The following DNAH7 variants were observed in gnomAD, a reference collection of about 807,000 sequenced individuals.
The protein encoded by DNAH7 is dynein axonemal heavy chain 7, also known as axonemal beta dynein heavy chain 7.
Under a neutral mutation model 444.6 loss-of-function variants are expected in DNAH7, and 397 were observed. The ratio of observed to expected loss-of-function variants is 0.89; its 90% CI spans 0.82 to 0.97. The LOEUF (loss-of-function observed/expected upper bound fraction) is 0.97. DNAH7 is among the 50% of genes least tolerant of loss of function. The pLI, the probability that DNAH7 is intolerant of heterozygous loss-of-function variation, is 0.00. For synonymous variants in DNAH7, 1,636 were observed against 1,624.4 expected, an observed-to-expected ratio of 1.01 and a Z score of -0.17; for missense variants, 4,902 against 4,800.8, an observed-to-expected ratio of 1.02 and a Z score of -0.62.
At position 195,927,208 on chromosome 2, in the gene DNAH7, C is replaced by G. The variant is rs533207698; in HGVS notation, c.3472-642G>C. ...CGGTGGACTGATACATCTACTTTTTCTACCAGCCATCGGTGGGAAACACAC... is the reference window on the plus strand; with the variant it reads ...CGGTGGACTGATACATCTACTTTTTGTACCAGCCATCGGTGGGAAACACAC... On this transcript the variant is annotated intron_variant, in intron 21 of 64. Transcript: ENST00000312428. Among the ~76,000 whole-genome samples the G allele has an allele frequency of 7.9e-5, 12 of 152,268 alleles. No individual in the cohort carries two copies. The South Asian group carries it at 2.5e-3, about 32-fold the overall frequency.
At chr2:196,059,041 ATTTTTCATGAGGG>A (rs1016400130) in intron 1 of DNAH7, among the ~76,000 whole-genome samples, 1 of 152,190 alleles carries the variant, frequency 6.6e-6, no homozygotes, top group Admixed American at 6.5e-5. Context: ...TGGGCAATTG[ATTTTTCATGAGGG>A]TTCCAAGACA....
At chr2:195,869,402 AAG>A (rs1300574649) in intron 40 of DNAH7, among the ~76,000 whole-genome samples, 6 of 151,962 alleles carry the variant, frequency 3.9e-5, no homozygotes, top group African/African-American at 1.5e-4. Flanking sequence ...AGAAAAAAAA[AAG>A]AGAGAGGAAA....
intron 24 of DNAH7, among the ~76,000 whole-genome samples, chr2:195,917,181 AAAG>A (rs1248167939): frequency 6.6e-6 from 1 of 152,162 alleles, no homozygotes; most frequent in Non-Finnish European, 1.5e-5. Flanking sequence ...TCAAAAAAAA[AAAG>A]AAATATCTGA....
intron 2 of DNAH7, among the ~76,000 whole-genome samples, chr2:196,053,013 C>A (rs1697574884): frequency 6.9e-6 from 1 of 144,942 alleles, no homozygotes. Context: ...AGTCCCTCTG[C>A]TTATGGAGTA....
intron 63 of DNAH7, among the ~76,000 whole-genome samples, chr2:195,743,248 T>A (rs1292359887): frequency 6.6e-6 from 1 of 152,252 alleles, no homozygotes; most frequent in Non-Finnish European, 1.5e-5. Context: ...GTTTTGGGAC[T>A]GGGACTGATC....
Position 196,019,155 on chromosome 2 carries a change from G to A in DNAH7, c.869+15C>T, listed in dbSNP as rs760871141. On this transcript the variant is annotated intron_variant, in intron 9 of 64. Transcript: ENST00000312428. ...TCTATATTTTAAAAACCTCTATAAG[G>A]CCACATATACTCACTTAAAATTAGT... 1 of 1,431,680 alleles carries A rather than the reference G, an allele frequency of 7.0e-7. No homozygotes were observed. The highest frequency in any genetic ancestry group is 9.3e-7 in the Non-Finnish European group (1 of 1,079,352). The allele number at this position is 1,431,680 out of a possible 1,614,324, so 88.7% of individuals were successfully genotyped here. A position where few individuals can be genotyped will look rare whatever the true frequency, so the allele number is the denominator to read the frequency against.
rs1697290874 is a variant in DNAH7 at position 195,817,744 on chromosome 2, A to T, written c.9377T>A (p.Leu3126His). Residue 3126 changes from leucine (L) to histidine (H), a missense_variant, in exon 50 of 65, where the codon CTT (leucine) becomes CAT (histidine). Physicochemically the swap from Leu to His is moderately conservative, Grantham distance 99 (BLOSUM62 -3). Transcript: ENST00000312428. Reference sequence around the variant, plus strand: ...TATCAAGGCTTGCTTTTCTTCTTCAAGGTCTGGCCTTTCTTGTGCCACCAC... The same window carrying T: ...TATCAAGGCTTGCTTTTCTTCTTCATGGTCTGGCCTTTCTTGTGCCACCAC... ...GIVVAQERPD[L>H]EEEKQALILQ... The T allele has an allele frequency of 3.7e-6, 6 of 1,612,854 alleles. No homozygotes were observed. The Admixed American group carries it at 1.0e-4, about 27-fold the overall frequency.
intron 64 of DNAH7, 73 bp from the exon 65 acceptor site, chr2:195,738,200 A>C (rs910758038): frequency 7.4e-7 from 1 of 1,346,998 alleles, no homozygotes. Context: ...AGCCTACTAT[A>C]GTATTCTCAG....
At chr2:195,756,362 C>A in intron 61 of DNAH7, 77 bp from the exon 62 acceptor site, 1 of 1,230,878 alleles carries the variant, frequency 8.1e-7, no homozygotes. Context: ...TTAAATACCT[C>A]CTTCATGATT....
chr2:196,047,563 A>G (rs1252686336), intron 4 of DNAH7, 64 bp from the exon 5 acceptor site: 13 of 1,300,746 alleles, frequency 1.0e-5, no homozygotes, highest in East Asian at 2.5e-5. Flanking sequence ...AGCATTTCAC[A>G]TGCTTAAAAT....
intron 17 of DNAH7, 61 bp from the exon 18 acceptor site, chr2:195,961,006 GTTT>G: frequency 7.6e-7 from 1 of 1,319,964 alleles, no homozygotes; most frequent in Non-Finnish European, 9.9e-7. Context: ...TGCAAATTAA[GTTT>G]TTTTAAATAT....
At chr2:195,996,218 T>C (rs1693686893) in intron 12 of DNAH7, among the ~76,000 whole-genome samples, 1 of 152,214 alleles carries the variant, frequency 6.6e-6, no homozygotes, top group African/African-American at 2.4e-5. Context: ...ACCTTTGATC[T>C]TTGATTCTGT....
chr2:195,808,743 T>C lies in DNAH7; in HGVS notation c.10022A>G (p.Lys3341Arg), dbSNP rs1696821403. Residue 3341 changes from lysine (K) to arginine (R), a missense_variant, in exon 53 of 65, where the codon AAA (lysine) becomes AGA (arginine). Lys to Arg is a conservative substitution (Grantham distance 26). Coordinates refer to ENST00000312428, the MANE Select transcript of DNAH7 (RefSeq NM_018897.3). ...GCGCATAAACTCTCTACGAATGGTT[T>C]TGAAGGCAGGCAAATCATCTAATCG... Reference protein sequence around the residue: ...ICRLDDLPAFKTIRREFMRLK... With the variant: ...ICRLDDLPAFRTIRREFMRLK... 1 of 1,614,100 alleles carries C rather than the reference T, an allele frequency of 6.2e-7. No individual in the cohort carries two copies. Among genetic ancestry groups the C allele is most frequent in the Middle Eastern group, 1.7e-4 (1 of 6,060 alleles).
intron 64 of DNAH7, among the ~76,000 whole-genome samples, chr2:195,739,295 C>T (rs1203465357): frequency 6.6e-6 from 1 of 152,102 alleles, no homozygotes; most frequent in African/African-American, 2.4e-5. Flanking sequence ...ACAGCTTTCT[C>T]GCAATTGGCT....
chr2:195,909,792 T>C (rs1166282273), intron 25 of DNAH7, among the ~76,000 whole-genome samples: 2 of 152,200 alleles, frequency 1.3e-5, no homozygotes, highest in Admixed American at 6.5e-5. Context: ...CACCACTTAT[T>C]CCAACCAGTA....
chr2:195,747,796 T>C (rs1285380030), intron 63 of DNAH7, among the ~76,000 whole-genome samples: 1 of 152,184 alleles, frequency 6.6e-6, no homozygotes, highest in Non-Finnish European at 1.5e-5. Flanking sequence ...CCCTTCATGC[T>C]AAAAACTCTC....
chr2:196,015,178 T>C (rs2125733232), intron 9 of DNAH7, among the ~76,000 whole-genome samples: 1 of 152,312 alleles, frequency 6.6e-6, no homozygotes, highest in Admixed American at 6.5e-5. Flanking sequence ...TCTTCAAGCC[T>C]TACTAATAAA....
chr2:195,925,652 ATCTG>A (rs908880871), intron 22 of DNAH7, among the ~76,000 whole-genome samples: 5 of 152,186 alleles, frequency 3.3e-5, no homozygotes, highest in African/African-American at 7.2e-5. Context: ...ACTCTTTGGA[ATCTG>A]TCTGTCTACA....
At chr2:195,810,573 G>A (rs1374583556) in intron 51 of DNAH7, among the ~76,000 whole-genome samples, 1 of 151,008 alleles carries the variant, frequency 6.6e-6, no homozygotes, top group Non-Finnish European at 1.5e-5. Flanking sequence ...CACCATGCCT[G>A]GCTAATTTTG....
Sources: allele counts gnomAD v4.1 joint callset (sites outside exome capture counted in the v4.1 genomes callset), GRCh38; gene constraint gnomAD v4.1.1; transcripts MANE v1.5; gene names NCBI Gene and HGNC (gene_info 2026-07-23, HGNC 2026-07-21).